The following ACTL8 variants were observed in gnomAD, a reference collection of about 807,000 sequenced individuals.
The protein encoded by ACTL8 is actin-like protein 8.
A neutral mutation model predicts 9.3 loss-of-function variants in ACTL8; 3 were observed. The observed-to-expected ratio is 0.32, with a 90% confidence interval of 0.15 to 0.83. ACTL8 has a LOEUF of 0.83. Among genes scored for constraint, ACTL8 ranks in the 40% least tolerant of loss-of-function variants. The pLI is 0.57. For synonymous variants in ACTL8, 224 were observed against 205.9 expected, an observed-to-expected ratio of 1.09 and a Z score of -0.75; for missense variants, 381 against 492.2, an observed-to-expected ratio of 0.77 and a Z score of 2.14.
intron 1 of ACTL8, among the ~76,000 whole-genome samples, chr1:17,812,427 CTTTTTTTTTTTTT>C (rs141182523): frequency 8.2e-6 from 1 of 122,420 alleles, no homozygotes; most frequent in Non-Finnish European, 1.7e-5. Context: ...ATTTTTTTTC[CTTTTTTTTTTTTT>C]TTTTTTTGAG....
At chr1:17,757,497 A>G (rs959888823) in intron 1 of ACTL8, among the ~76,000 whole-genome samples, 58 of 18,522 alleles carry the variant, frequency 3.1e-3, no homozygotes, top group Non-Finnish European at 3.6e-3. Flanking sequence ...CCCCACCCCA[A>G]CTTATCAAGT....
chr1:17,763,325 G>T (rs959747909), intron 1 of ACTL8, among the ~76,000 whole-genome samples: 1 of 151,962 alleles, frequency 6.6e-6, no homozygotes. Flanking sequence ...CTCTGACCTC[G>T]CTTTCAGACC....
At chr1:17,756,918 T>C (rs2065972100) in intron 1 of ACTL8, among the ~76,000 whole-genome samples, 1 of 152,196 alleles carries the variant, frequency 6.6e-6, no homozygotes, top group African/African-American at 2.4e-5. Context: ...TGGATCCTTT[T>C]GAGGGCTCCT....
chr1:17,797,082 C>A (rs2066282666), intron 1 of ACTL8, among the ~76,000 whole-genome samples: 1 of 151,964 alleles, frequency 6.6e-6, no homozygotes, highest in Non-Finnish European at 1.5e-5. Flanking sequence ...TCTGGGGCAC[C>A]TGCTACTAAG....
intron 1 of ACTL8, among the ~76,000 whole-genome samples, chr1:17,806,632 G>C (rs534207719): frequency 6.6e-6 from 1 of 152,344 alleles, no homozygotes; most frequent in African/African-American, 2.4e-5. Flanking sequence ...ACATCCTCAG[G>C]ATACAATGTC....
intron 1 of ACTL8, among the ~76,000 whole-genome samples, chr1:17,770,931 C>A (rs1293628910): frequency 6.6e-6 from 1 of 152,152 alleles, no homozygotes; most frequent in African/African-American, 2.4e-5. Context: ...GGCTTCACCG[C>A]TGTGAGGCTG....
intron 1 of ACTL8, among the ~76,000 whole-genome samples, chr1:17,810,889 C>T (rs2066389622): frequency 6.6e-6 from 1 of 152,158 alleles, no homozygotes; most frequent in Non-Finnish European, 1.5e-5. Context: ...ACAGTTTGTT[C>T]ATTTACCAGC....
intron 1 of ACTL8, among the ~76,000 whole-genome samples, chr1:17,764,149 G>C (rs2102674649): frequency 6.6e-6 from 1 of 152,282 alleles, no homozygotes; most frequent in Non-Finnish European, 1.5e-5. Flanking sequence ...CCCTTCCCTT[G>C]GTGGGCAGCT....
chr1:17,763,652 C>A (rs946691308), intron 1 of ACTL8, among the ~76,000 whole-genome samples: 1 of 152,182 alleles, frequency 6.6e-6, no homozygotes, highest in South Asian at 2.1e-4. Flanking sequence ...CCTCATTAGC[C>A]GCAGGTGCTC....
chr1:17,802,978 GT>G (rs2066334154), intron 1 of ACTL8, among the ~76,000 whole-genome samples: 1 of 152,118 alleles, frequency 6.6e-6, no homozygotes, highest in Non-Finnish European at 1.5e-5. Context: ...GAGTGAGATT[GT>G]TTCAAAAATA....
chr1:17,756,478 C>T (rs958684555), intron 1 of ACTL8, among the ~76,000 whole-genome samples: 3 of 152,194 alleles, frequency 2.0e-5, no homozygotes, highest in African/African-American at 7.2e-5. Context: ...CTCCTTGCGT[C>T]TGCTGTTTCT....
At chr1:17,777,057 G>T (rs1284536412) in intron 1 of ACTL8, among the ~76,000 whole-genome samples, 3 of 143,958 alleles carry the variant, frequency 2.1e-5, no homozygotes, top group African/African-American at 5.2e-5. Flanking sequence ...TCCTGGGCCT[G>T]GGCCCAAGTG....
chr1:17,814,897 A>C (rs1483250961), intron 1 of ACTL8, among the ~76,000 whole-genome samples: 2 of 152,278 alleles, frequency 1.3e-5, no homozygotes, highest in Admixed American at 6.5e-5. Context: ...TACAGTATTT[A>C]GTACAATAAC....
In ACTL8 at chr1:17,823,877, T is replaced by G. The variant is rs2124196054; in HGVS notation, c.348+521T>G. Among the ~76,000 whole-genome samples the G allele has an allele frequency of 6.6e-6, 1 of 152,324 alleles. No individual in the cohort carries two copies. The highest frequency in any genetic ancestry group is 2.1e-4 in the South Asian group (1 of 4,826). ...GACGGACATGCAGCAACCAACGTGC[T>G]TGGTGGAAAGGGGGTTACCAGGGAG... is the stretch of plus-strand genomic sequence containing the variant. On this transcript the variant is annotated intron_variant, in intron 2 of 2. Transcript: ENST00000375406. This position sits in a 1 kb window ranked among gnomAD's most constrained non-coding sequence, Gnocchi z 5.3.
chr1:17,794,454 C>T (rs1380294647), intron 1 of ACTL8, among the ~76,000 whole-genome samples: 1 of 152,180 alleles, frequency 6.6e-6, no homozygotes, highest in African/African-American at 2.4e-5. Flanking sequence ...TTACACCATC[C>T]CCTCTAGGCT....
intron 1 of ACTL8, among the ~76,000 whole-genome samples, chr1:17,778,551 G>A (rs997565413): frequency 6.6e-6 from 1 of 152,084 alleles, no homozygotes; most frequent in African/African-American, 2.4e-5. Flanking sequence ...AGGACCCTGG[G>A]ATCCCAAGAA....
rs768385466 is a variant in ACTL8 at position 17,801,588 on chromosome 1, T to C, written c.-24-21397T>C. Among the ~76,000 whole-genome samples, 6 of 152,342 alleles carry C rather than the reference T, an allele frequency of 3.9e-5. No individual in the cohort carries two copies. In the South Asian group the frequency reaches 6.2e-4, roughly 16 times the overall value. Reference sequence around the variant, plus strand: ...ATAAATTCTGATGTAATCAAGATTTTCATGTAGTTTGTGTTCTATTATAGT... The same window carrying C: ...ATAAATTCTGATGTAATCAAGATTTCCATGTAGTTTGTGTTCTATTATAGT... On this transcript the variant is annotated intron_variant, in intron 1 of 2. Transcript: ENST00000375406.
At position 17,823,237 on chromosome 1, in the gene ACTL8, G is replaced by T. The variant is rs773765782; in HGVS notation, c.229G>T (p.Gly77Cys). 6.2e-7 allele frequency: 1 copy of T among 1,614,128 alleles called. No individual in the cohort carries two copies. Among genetic ancestry groups the T allele is most frequent in the Non-Finnish European group, 8.5e-7 (1 of 1,180,024 alleles). The change falls in exon 2 of 3, where the codon GGT becomes TGT. Residue 77 changes from glycine to cysteine, a missense_variant. Physicochemically the swap from Gly to Cys is radical, Grantham distance 159. Transcript: ENST00000375406. This position sits in a 1 kb window ranked among gnomAD's most constrained non-coding sequence, Gnocchi z 5.3. ...GCGGGGCCGCATCCTCAACTGGGAGGGTGTGCAGTACCTCTGGTCATTTGT... is the reference window on the plus strand; with the variant it reads ...GCGGGGCCGCATCCTCAACTGGGAGTGTGTGCAGTACCTCTGGTCATTTGT... ...IERGRILNWE[G>C]VQYLWSFVLE...
Position 17,825,955 on chromosome 1 carries a change from T to C in ACTL8, c.537T>C (p.Asp179=). Residue 179 remains aspartate, a synonymous_variant, in exon 3 of 3, where the codon GAT becomes GAC. Transcript: ENST00000375406. ...AGACGCTGGAGTTCGCCGGCCAGGA[T>C]CTCTCCGCCTATCTCCTCAAGAGTC... ...SGKTLEFAGQ[D]LSAYLLKSLF... is the part of the protein sequence containing the mutation. The C allele has an allele frequency of 6.2e-7, 1 of 1,610,766 alleles. No individual in the cohort carries two copies. Among genetic ancestry groups the C allele is most frequent in the Non-Finnish European group, 8.5e-7 (1 of 1,180,012 alleles).
Sources: allele counts gnomAD v4.1 joint callset (sites outside exome capture counted in the v4.1 genomes callset), GRCh38; gene constraint gnomAD v4.1.1; non-coding constraint Gnocchi (gnomAD v3.1); transcripts MANE v1.5; gene names NCBI Gene and HGNC (gene_info 2026-07-23, HGNC 2026-07-21).